Variants in DLG2 observed in about 807,000 individuals in gnomAD.
DLG2 encodes the protein discs large MAGUK scaffold protein 2.
A neutral mutation model predicts 132.5 loss-of-function variants in DLG2; 45 were observed. The observed-to-expected ratio is 0.34, with a 90% CI of 0.27 to 0.44. The LOEUF (loss-of-function observed/expected upper bound fraction) is 0.44, where lower values mean the gene tolerates loss of function less well. Among genes scored for constraint, DLG2 ranks in the 20% least tolerant of loss-of-function variants. The probability of loss-of-function intolerance (pLI) is 1.00; values close to 1 mark genes in which losing one functional copy is unlikely to be tolerated. For synonymous variants in DLG2, 424 were observed against 419.6 expected (o/e 1.01, Z -0.13); for missense variants, 1,045 against 1,196.9 (o/e 0.87, Z 1.87).
chr11:83,498,992 C>A (rs1354432047), intron 21 of DLG2, among the ~76,000 whole-genome samples: 2 of 151,746 alleles, frequency 1.3e-5, no homozygotes, highest in Non-Finnish European at 1.5e-5. Context: ...CACAAACTAC[C>A]AAAATTGAAT....
chr11:83,517,530 C>A lies in DLG2; in HGVS notation c.2193+15178G>T, dbSNP rs559826063. On this transcript the variant is annotated intron_variant, in intron 21 of 27. Coordinates refer to ENST00000376104, the MANE Select transcript of DLG2 (RefSeq NM_001142699.3). ...CCTTCTTCTCTCAACTCATCGAAGT[C>A]AGTCTCTGTCCAGCTTTGTTCCATT... Among the ~76,000 whole-genome samples the A allele has an allele frequency of 2.6e-5, 4 of 152,340 alleles. No individual in the cohort carries two copies. The East Asian group carries it at 5.8e-4, about 22-fold the overall frequency.
chr11:85,324,320 C>G (rs754073611), intron 3 of DLG2, among the ~76,000 whole-genome samples: 5 of 152,066 alleles, frequency 3.3e-5, no homozygotes, highest in Non-Finnish European at 7.4e-5. Flanking sequence ...ATCTAGCTTT[C>G]CTGCTAGATA....
intron 7 of DLG2, among the ~76,000 whole-genome samples, chr11:84,502,543 C>T (rs1413724524): frequency 6.6e-6 from 1 of 150,602 alleles, no homozygotes; most frequent in Non-Finnish European, 1.5e-5. Context: ...CTACAGGGTC[C>T]CGCCACCATA....
intron 6 of DLG2, among the ~76,000 whole-genome samples, chr11:84,904,151 A>C (rs2091243735): frequency 6.6e-6 from 1 of 152,186 alleles, no homozygotes; most frequent in Non-Finnish European, 1.5e-5. Flanking sequence ...AAGAGTATAG[A>C]AATCTTCTAG....
intron 2 of DLG2, among the ~76,000 whole-genome samples, chr11:85,619,716 C>T (rs1267209078): frequency 1.3e-5 from 2 of 152,012 alleles, no homozygotes; most frequent in African/African-American, 4.8e-5. Flanking sequence ...CGCCTGTAAT[C>T]CCAGCTACTC....
chr11:85,462,611 T>G (rs1396277034), intron 3 of DLG2, among the ~76,000 whole-genome samples: 3 of 147,610 alleles, frequency 2.0e-5, no homozygotes, highest in African/African-American at 5.0e-5. Flanking sequence ...TGAGAACACA[T>G]GGACACAGGA....
intron 18 of DLG2, among the ~76,000 whole-genome samples, chr11:83,713,417 T>C (rs1005802246): frequency 4.6e-5 from 7 of 152,102 alleles, no homozygotes; most frequent in African/African-American, 1.4e-4. Context: ...ACACAAATAC[T>C]TGGAGAATGG....
chr11:85,628,271 A>G (rs1040421225), upstream of DLG2, among the ~76,000 whole-genome samples: 1 of 152,172 alleles, frequency 6.6e-6, no homozygotes, highest in Non-Finnish European at 1.5e-5. Flanking sequence ...CCCTGAGGAG[A>G]GGCAGGAGCG....
At chr11:83,761,878 A>G (rs2093927023) in intron 18 of DLG2, among the ~76,000 whole-genome samples, 1 of 152,170 alleles carries the variant, frequency 6.6e-6, no homozygotes, top group South Asian at 2.1e-4. Flanking sequence ...CTTTATTTGG[A>G]TGTGGAGGTC....
At chr11:85,307,421 GA>G (rs529512833) in intron 3 of DLG2, among the ~76,000 whole-genome samples, 5 of 150,958 alleles carry the variant, frequency 3.3e-5, no homozygotes, top group Admixed American at 6.6e-5. Flanking sequence ...CTAAGCATGT[GA>G]AAAAAAAATC....
At chr11:84,896,124 T>C (rs1004921803) in intron 6 of DLG2, among the ~76,000 whole-genome samples, 26 of 152,296 alleles carry the variant, frequency 1.7e-4, no homozygotes, top group African/African-American at 6.0e-4. Context: ...AAATATTGAC[T>C]CTTCAAATTG....
At chr11:84,312,358 A>T (rs1199905743) in intron 7 of DLG2, among the ~76,000 whole-genome samples, 1 of 152,192 alleles carries the variant, frequency 6.6e-6, no homozygotes, top group Non-Finnish European at 1.5e-5. Context: ...GCGTGCCTGT[A>T]GTCCCAACTA....
intron 3 of DLG2, among the ~76,000 whole-genome samples, chr11:85,366,662 T>C (rs2084574660): frequency 6.6e-6 from 1 of 152,096 alleles, no homozygotes; most frequent in South Asian, 2.1e-4. Flanking sequence ...TATCTCAGAA[T>C]TTTTGGGGGG....
At chr11:85,069,110 T>G (rs370279509) in intron 6 of DLG2, among the ~76,000 whole-genome samples, 2 of 151,712 alleles carry the variant, frequency 1.3e-5, no homozygotes, top group African/African-American at 4.8e-5. Context: ...TGGAGAAAGC[T>G]GAAACTGGAT....
At chr11:85,581,836 T>A (rs2078547230) in intron 3 of DLG2, among the ~76,000 whole-genome samples, 1 of 152,160 alleles carries the variant, frequency 6.6e-6, no homozygotes, top group Non-Finnish European at 1.5e-5. Flanking sequence ...CTCTTTTGTT[T>A]GTTTTTATTG....
chr11:84,619,195 A>G (rs2099609701), intron 6 of DLG2, among the ~76,000 whole-genome samples: 1 of 151,934 alleles, frequency 6.6e-6, no homozygotes, highest in South Asian at 2.1e-4. Flanking sequence ...ATATTATTAA[A>G]TCAGAAATTA....
chr11:84,557,050 G>A (rs1417537556), intron 6 of DLG2, among the ~76,000 whole-genome samples: 1 of 152,106 alleles, frequency 6.6e-6, no homozygotes, highest in African/African-American at 2.4e-5. Flanking sequence ...ATAATTCCCT[G>A]TTTTCCCCAA....
At chr11:85,357,159 T>C (rs1374446276) in intron 3 of DLG2, among the ~76,000 whole-genome samples, 1 of 151,910 alleles carries the variant, frequency 6.6e-6, no homozygotes, top group Non-Finnish European at 1.5e-5. Flanking sequence ...CAGAGCAGCC[T>C]GCATTTCCTT....
chr11:84,572,618 A>G (rs1369413830), intron 6 of DLG2, among the ~76,000 whole-genome samples: 1 of 152,030 alleles, frequency 6.6e-6, no homozygotes. Context: ...CAAATTCACT[A>G]GGGGCCCTAA....
Sources: gnomAD v4.1 joint callset for allele counts (sites outside exome capture counted in the v4.1 genomes callset) on GRCh38, gnomAD v4.1.1 for gene constraint, MANE v1.5 for transcripts, NCBI Gene and HGNC (gene_info 2026-07-23, HGNC 2026-07-21) for gene names.